ROBO2: variants seen among roughly 807,000 people sequenced by gnomAD.
ROBO2 encodes the protein roundabout homolog 2.
Under a neutral mutation model 160.8 loss-of-function variants are expected in ROBO2, and 53 were observed. That is an observed-to-expected ratio of 0.33 (90% confidence interval 0.26 to 0.41). The LOEUF (loss-of-function observed/expected upper bound fraction) is 0.41. ROBO2 is among the 10% of genes least tolerant of loss of function. The probability of loss-of-function intolerance (pLI) is 1.00; values close to 1 mark genes in which losing one functional copy is unlikely to be tolerated. For synonymous variants in ROBO2, 664 were observed against 611.7 expected (o/e 1.09, Z -1.26); for missense variants, 1,577 against 1,722.4 (o/e 0.92, Z 1.49).
At chr3:77,606,197 C>A (rs2094522698) in intron 20 of ROBO2, among the ~76,000 whole-genome samples, 1 of 145,250 alleles carries the variant, frequency 6.9e-6, no homozygotes, top group Admixed American at 7.2e-5. Context: ...GCTGGGTTTG[C>A]TCTAAGATAG....
At chr3:77,545,624 G>C (rs2092668691) in intron 6 of ROBO2, among the ~76,000 whole-genome samples, 1 of 151,920 alleles carries the variant, frequency 6.6e-6, no homozygotes, top group Non-Finnish European at 1.5e-5. Context: ...TAAGCTCTTT[G>C]ATGGCTTCAG....
chr3:76,437,350 T>C (rs1267346873), intron 2 of ROBO2, among the ~76,000 whole-genome samples: 1 of 152,170 alleles, frequency 6.6e-6, no homozygotes, highest in East Asian at 1.9e-4. Context: ...GGGTTTCCTA[T>C]ACTTGAAAAA....
intron 2 of ROBO2, among the ~76,000 whole-genome samples, chr3:76,385,691 T>C (rs937589710): frequency 6.6e-6 from 1 of 152,250 alleles, no homozygotes; most frequent in Non-Finnish European, 1.5e-5. Context: ...ATTTTTTTCA[T>C]ACTCTCAAAA....
At chr3:76,254,912 C>T (rs1444995724) in intron 2 of ROBO2, among the ~76,000 whole-genome samples, 1 of 152,030 alleles carries the variant, frequency 6.6e-6, no homozygotes, top group African/African-American at 2.4e-5. Flanking sequence ...CACTGTATTA[C>T]TTCTTAAAAC....
chr3:76,862,713 A>G (rs2070925550), intron 2 of ROBO2, among the ~76,000 whole-genome samples: 1 of 152,042 alleles, frequency 6.6e-6, no homozygotes, highest in African/African-American at 2.4e-5. Context: ...GGAATGTGAG[A>G]CTGACCTTCC....
At chr3:76,074,018 C>G (rs573910354) in intron 2 of ROBO2, among the ~76,000 whole-genome samples, 1 of 152,320 alleles carries the variant, frequency 6.6e-6, no homozygotes, top group East Asian at 1.9e-4. Context: ...CTCTGTGGCA[C>G]CTGTGTGGAA....
At chr3:75,995,285 A>T (rs2065692178) in intron 2 of ROBO2, among the ~76,000 whole-genome samples, 1 of 152,050 alleles carries the variant, frequency 6.6e-6, no homozygotes, top group Admixed American at 6.5e-5. Context: ...CAGGTCCAGG[A>T]CCTTGCTGCC....
chr3:77,608,100 C>T (rs1045218444), intron 21 of ROBO2, 146 bp downstream of exon 22: 7 of 751,672 alleles, frequency 9.3e-6, no homozygotes, highest in Non-Finnish European at 1.6e-5. Context: ...TCATTGTTTG[C>T]ACTGTCTATA....
At chr3:76,938,554 T>C (rs927869705) in intron 2 of ROBO2, among the ~76,000 whole-genome samples, 2 of 152,040 alleles carry the variant, frequency 1.3e-5, no homozygotes, top group African/African-American at 4.8e-5. Context: ...ATTCTAGAAA[T>C]TGATAGAAGG....
chr3:77,276,039 A>G lies in ROBO2; in HGVS notation c.388+177699A>G, dbSNP rs544805171. Among the ~76,000 whole-genome samples the G allele has an allele frequency of 4.9e-4, 74 of 152,228 alleles. 2 individuals are homozygous for G. In the Middle Eastern group the frequency reaches 0.014, roughly 28 times the overall value. ...TAGCAAACCTATCTTTGCAATGTGT[A>G]TGTGTTATGTAGCTTGGATTTGTTT... On this transcript the variant is annotated intron_variant, in intron 2 of 25. Coordinates refer to ENST00000461745, the Ensembl canonical transcript of ROBO2.
chr3:77,269,642 A>T (rs1300678737), intron 2 of ROBO2, among the ~76,000 whole-genome samples: 1 of 152,152 alleles, frequency 6.6e-6, no homozygotes. Context: ...TTTGCCTATA[A>T]AAAGGAACCA....
intron 2 of ROBO2, among the ~76,000 whole-genome samples, chr3:77,185,047 T>A (rs1193680847): frequency 6.6e-6 from 1 of 151,936 alleles, no homozygotes; most frequent in East Asian, 1.9e-4. Context: ...TGAAAACAGA[T>A]TTGGCAAAAT....
At chr3:75,987,146 G>T (rs892157464) in intron 2 of ROBO2, among the ~76,000 whole-genome samples, 4 of 151,836 alleles carry the variant, frequency 2.6e-5, no homozygotes, top group Non-Finnish European at 4.4e-5. Flanking sequence ...TGTTAAGATT[G>T]CTTTGGGTAG....
chr3:77,303,742 ATGT>A (rs1394103123), intron 2 of ROBO2, among the ~76,000 whole-genome samples: 1 of 152,002 alleles, frequency 6.6e-6, no homozygotes, highest in Non-Finnish European at 1.5e-5. Flanking sequence ...TAAAATCATC[ATGT>A]TGTACATCTT....
intron 2 of ROBO2, among the ~76,000 whole-genome samples, chr3:77,289,452 A>C (rs1484585274): frequency 6.6e-6 from 1 of 151,926 alleles, no homozygotes; most frequent in Admixed American, 6.6e-5. Flanking sequence ...AGTAAAATTG[A>C]TGGTTAAATG....
chr3:76,346,003 G>T (rs1178660243), intron 2 of ROBO2, among the ~76,000 whole-genome samples: 1 of 151,940 alleles, frequency 6.6e-6, no homozygotes, highest in Non-Finnish European at 1.5e-5. Context: ...CAGAAGGCAG[G>T]CTCTATGGGG....
At chr3:76,368,165 G>A (rs1295955330) in intron 2 of ROBO2, among the ~76,000 whole-genome samples, 4 of 151,846 alleles carry the variant, frequency 2.6e-5, no homozygotes, top group African/African-American at 9.7e-5. Flanking sequence ...CAATAAAATA[G>A]TTGAGGGGTG....
intron 17 of ROBO2, among the ~76,000 whole-genome samples, chr3:77,592,629 G>T (rs1300060055): frequency 1.3e-5 from 2 of 152,088 alleles, no homozygotes; most frequent in South Asian, 4.1e-4. Flanking sequence ...TTGGCTCACT[G>T]CAACCTCCAC....
intron 2 of ROBO2, among the ~76,000 whole-genome samples, chr3:77,404,504 A>G (rs963722140): frequency 6.6e-6 from 1 of 152,200 alleles, no homozygotes; most frequent in Non-Finnish European, 1.5e-5. Context: ...AGGCATAAAC[A>G]TGGAATTCTA....
Sources: allele counts gnomAD v4.1 joint callset (sites outside exome capture counted in the v4.1 genomes callset), GRCh38; gene constraint gnomAD v4.1.1; transcripts MANE v1.5; gene names NCBI Gene and HGNC (gene_info 2026-07-23, HGNC 2026-07-21).